CPQ: variants seen among roughly 807,000 people sequenced by gnomAD.
CPQ encodes carboxypeptidase Q, also known as Ser-Met dipeptidase.
A neutral mutation model predicts 45.7 loss-of-function variants in CPQ; 37 were observed. The observed-to-expected ratio is 0.81, with a 90% confidence interval of 0.62 to 1.07. The LOEUF (loss-of-function observed/expected upper bound fraction) is 1.07, where lower values mean the gene tolerates loss of function less well. Among genes scored for constraint, CPQ ranks in the 50% least tolerant of loss-of-function variants. The pLI, the probability that CPQ is intolerant of heterozygous loss-of-function variation, is 0.00. For synonymous variants in CPQ, 186 were observed against 205.8 expected, an observed-to-expected ratio of 0.90 and a Z score of 0.82; for missense variants, 537 against 572.9, an observed-to-expected ratio of 0.94 and a Z score of 0.64.
intron 7 of CPQ, among the ~76,000 whole-genome samples, chr8:97,080,775 G>T (rs1810932760): frequency 6.6e-6 from 1 of 152,012 alleles, no homozygotes; most frequent in South Asian, 2.1e-4. Flanking sequence ...ATTCTTTCCA[G>T]TTCATAATCT....
At chr8:96,906,931 G>A (rs2130901284) in intron 4 of CPQ, among the ~76,000 whole-genome samples, 1 of 152,278 alleles carries the variant, frequency 6.6e-6, no homozygotes, top group Non-Finnish European at 1.5e-5. Context: ...TAAGCTATTA[G>A]TTAGTGCTTA....
chr8:96,688,581 T>G (rs1809265642), intron 1 of CPQ, among the ~76,000 whole-genome samples: 1 of 152,196 alleles, frequency 6.6e-6, no homozygotes, highest in Admixed American at 6.5e-5. Flanking sequence ...TATAATTATA[T>G]CTTTATGTGA....
chr8:96,918,374 T>C (rs1458413434), intron 4 of CPQ, among the ~76,000 whole-genome samples: 2 of 152,180 alleles, frequency 1.3e-5, no homozygotes, highest in Non-Finnish European at 2.9e-5. Context: ...TCACATTTTT[T>C]ATTAAATCAA....
At chr8:96,694,819 A>C (rs1262349111) in intron 1 of CPQ, among the ~76,000 whole-genome samples, 4 of 152,196 alleles carry the variant, frequency 2.6e-5, no homozygotes. Context: ...AAAAGAGGAA[A>C]AACTTCAAAT....
intron 1 of CPQ, among the ~76,000 whole-genome samples, chr8:96,757,999 G>A (rs1175564154): frequency 1.3e-5 from 2 of 151,998 alleles, no homozygotes; most frequent in South Asian, 4.1e-4. Context: ...AATGTCTAAC[G>A]GGCTTTCATC....
At chr8:96,793,933 C>T (rs773815466) in intron 2 of CPQ, among the ~76,000 whole-genome samples, 6 of 152,196 alleles carry the variant, frequency 3.9e-5, no homozygotes, top group Non-Finnish European at 5.9e-5. Context: ...CATGCCAATG[C>T]AAAATGTGGG....
At chr8:97,121,425 T>C (rs1022697169) in intron 7 of CPQ, among the ~76,000 whole-genome samples, 1 of 152,226 alleles carries the variant, frequency 6.6e-6, no homozygotes, top group Non-Finnish European at 1.5e-5. Flanking sequence ...TAGAAGGGCC[T>C]TGGTGTAATA....
At chr8:96,724,704 A>C (rs1176616886) in intron 1 of CPQ, among the ~76,000 whole-genome samples, 1 of 152,204 alleles carries the variant, frequency 6.6e-6, no homozygotes, top group Admixed American at 6.5e-5. Flanking sequence ...TGGATTCAAC[A>C]TTATTCCTAT....
chr8:96,979,646 G>A (rs1433636097), intron 5 of CPQ, among the ~76,000 whole-genome samples: 1 of 152,150 alleles, frequency 6.6e-6, no homozygotes, highest in Admixed American at 6.5e-5. Context: ...ATGAACATCT[G>A]ATCGGACCTT....
chr8:96,682,343 G>T (rs558014544), intron 1 of CPQ, among the ~76,000 whole-genome samples: 2 of 152,302 alleles, frequency 1.3e-5, no homozygotes, highest in East Asian at 3.9e-4. Flanking sequence ...AGATCTGATG[G>T]TTTTAAAAAG....
chr8:96,738,970 A>G (rs960973379), intron 1 of CPQ, among the ~76,000 whole-genome samples: 36 of 151,642 alleles, frequency 2.4e-4, no homozygotes, highest in Admixed American at 2.3e-3. Context: ...CTTTGGGTAT[A>G]TACCCAGTAA....
intron 5 of CPQ, among the ~76,000 whole-genome samples, chr8:97,018,665 C>T (rs1290030163): frequency 2.0e-5 from 3 of 152,024 alleles, no homozygotes; most frequent in East Asian, 1.9e-4. Flanking sequence ...ACAAAGTTTT[C>T]GAATTAAGCA....
intron 6 of CPQ, among the ~76,000 whole-genome samples, chr8:97,054,509 A>G (rs1368928741): frequency 6.6e-6 from 1 of 152,236 alleles, no homozygotes; most frequent in African/African-American, 2.4e-5. Flanking sequence ...TTGCAAAGAT[A>G]TGGAATAAAC....
At chr8:97,045,498 C>T (rs547442317) in intron 6 of CPQ, among the ~76,000 whole-genome samples, 7 of 152,330 alleles carry the variant, frequency 4.6e-5, no homozygotes, top group African/African-American at 1.7e-4. Flanking sequence ...CACCCACTGT[C>T]CTGCGCCCAC....
At chr8:96,962,931 G>C (rs189820541) in intron 4 of CPQ, among the ~76,000 whole-genome samples, 1 of 151,936 alleles carries the variant, frequency 6.6e-6, no homozygotes, top group East Asian at 1.9e-4. Flanking sequence ...ACTAAAACAA[G>C]CTCTCATAAT....
intron 1 of CPQ, among the ~76,000 whole-genome samples, chr8:96,653,511 T>C (rs535771860): frequency 2.0e-4 from 30 of 152,268 alleles, no homozygotes; most frequent in African/African-American, 6.3e-4. Context: ...CAGTTGAAAA[T>C]TCTAGTATAA....
At chr8:96,668,212 ATTCATTTG>A (rs753228064) in intron 1 of CPQ, among the ~76,000 whole-genome samples, 11 of 152,320 alleles carry the variant, frequency 7.2e-5, no homozygotes, top group Non-Finnish European at 1.5e-4. Context: ...CTGAATAAAT[ATTCATTTG>A]TTCATTTATT....
chr8:96,647,745 T>C (rs1815533858), intron 1 of CPQ, among the ~76,000 whole-genome samples: 3 of 152,250 alleles, frequency 2.0e-5, no homozygotes, highest in Admixed American at 2.0e-4. Flanking sequence ...TTTATCATTT[T>C]GAAAATTATT....
chr8:97,010,298 G>A (rs890686325), intron 5 of CPQ, among the ~76,000 whole-genome samples: 2 of 152,144 alleles, frequency 1.3e-5, no homozygotes, highest in Non-Finnish European at 2.9e-5. Context: ...TGGTCTAGTT[G>A]AAAAGGTATG....
Sources: gnomAD v4.1 joint callset for allele counts (sites outside exome capture counted in the v4.1 genomes callset) on GRCh38, gnomAD v4.1.1 for gene constraint, MANE v1.5 for transcripts, NCBI Gene and HGNC (gene_info 2026-07-23, HGNC 2026-07-21) for gene names.